Variants in LRRC37B observed in about 807,000 individuals in gnomAD.
LRRC37B encodes leucine-rich repeat-containing protein 37B.
Under a neutral mutation model 98.3 loss-of-function variants are expected in LRRC37B, and 28 were observed. The ratio of observed to expected loss-of-function variants is 0.28; its 90% CI spans 0.21 to 0.39. The LOEUF is 0.39. Ranked by LOEUF, LRRC37B falls within the 10% of genes least tolerant of loss-of-function variation. The pLI, the probability that LRRC37B is intolerant of heterozygous loss-of-function variation, is 1.00. For synonymous variants in LRRC37B, 364 were observed against 442.7 expected (o/e 0.82, Z 2.23); for missense variants, 938 against 1,182.7 (o/e 0.79, Z 3.03).
At chr17:32,020,492 C>G (rs1910738983), upstream of LRRC37B, among the ~76,000 whole-genome samples, 1 of 152,088 alleles carries the variant, frequency 6.6e-6, no homozygotes, top group Non-Finnish European at 1.5e-5. Context: ...GGATTGAAGC[C>G]TTCTCTCCCA....
In LRRC37B at chr17:32,032,320, G is replaced by A. The variant is rs1373780535; in HGVS notation, c.2057+862G>A. ...GCCTCCCAAAGTGCTGGGGTTACAG[G>A]CGTGAGCCACCATGCCTGGCCAAAA... On this transcript the variant is annotated intron_variant, in intron 5 of 11. Coordinates refer to ENST00000327564, the Ensembl canonical transcript of LRRC37B. Among the ~76,000 whole-genome samples the A allele has an allele frequency of 2.0e-5, 3 of 151,956 alleles. 1 individual carries two copies. The highest frequency in any genetic ancestry group is 6.3e-3 in the Middle Eastern group (2 of 316).
chr17:32,020,836 CCCCCACCCCA>C (rs892088653), upstream of LRRC37B: 21 of 840,214 alleles, frequency 2.5e-5, no homozygotes, highest in Non-Finnish European at 3.4e-5. Context: ...CTCTGCCGTG[CCCCCACCCCA>C]CCCCACCCCA....
chr17:32,040,918 G>C, intron 7 of LRRC37B: 1 of 955,168 alleles, frequency 1.0e-6, no homozygotes, highest in South Asian at 1.3e-5. Context: ...GAGGGCCGCC[G>C]CCTGGACTTT....
intron 1 of LRRC37B, among the ~76,000 whole-genome samples, chr17:32,009,613 C>A (rs563098085): frequency 6.6e-6 from 1 of 150,910 alleles, no homozygotes; most frequent in East Asian, 2.0e-4. Flanking sequence ...AATTGGGTTG[C>A]TTTCTTTATT....
chr17:32,016,802 CT>C (rs1910655742), upstream of LRRC37B: 1 of 152,188 alleles, frequency 6.6e-6, no homozygotes, highest in Non-Finnish European at 1.5e-5. Context: ...TTGTGAGAAA[CT>C]GCAGATCCTA....
At chr17:32,030,411 G>C (rs1184245065) in intron 3 of LRRC37B, among the ~76,000 whole-genome samples, 1 of 151,212 alleles carries the variant, frequency 6.6e-6, no homozygotes, top group African/African-American at 2.4e-5. Context: ...CAAGTCTACT[G>C]CTCTCAGGAA....
intron 1 of LRRC37B, among the ~76,000 whole-genome samples, chr17:32,015,867 A>C (rs1367211911): frequency 1.3e-5 from 2 of 152,206 alleles, no homozygotes; most frequent in African/African-American, 4.8e-5. Flanking sequence ...GCTGTCATGG[A>C]GGACCGTACA....
At chr17:32,027,375 T>TTG (rs142638981) in intron 2 of LRRC37B, among the ~76,000 whole-genome samples, 1 of 137,200 alleles carries the variant, frequency 7.3e-6, no homozygotes, top group Non-Finnish European at 1.6e-5. Context: ...GTGTGTGTGC[T>TTG]TGTGTGTGTG....
intron 8 of LRRC37B, 146 bp from the exon 12 acceptor site, chr17:32,047,615 G>T (rs1387659020): frequency 8.5e-7 from 1 of 1,174,218 alleles, no homozygotes; most frequent in Non-Finnish European, 1.2e-6. Flanking sequence ...ATAGGTTTAG[G>T]TTTGGGTGTA....
chr17:32,029,692 G>C (rs1272301306), intron 3 of LRRC37B, among the ~76,000 whole-genome samples: 1 of 152,164 alleles, frequency 6.6e-6, no homozygotes, highest in Non-Finnish European at 1.5e-5. Flanking sequence ...AGTACCTGTA[G>C]ATTACAAGGA....
chr17:32,040,643 A>C, intron 7 of LRRC37B: 1 of 778,474 alleles, frequency 1.3e-6, no homozygotes, highest in Admixed American at 1.7e-5. Flanking sequence ...TGCTCAACAC[A>C]GTGTGCAAGA....
intron 1 of LRRC37B, among the ~76,000 whole-genome samples, chr17:32,009,337 C>T (rs554390579): frequency 6.6e-6 from 1 of 152,178 alleles, no homozygotes; most frequent in East Asian, 1.9e-4. Flanking sequence ...TCACCACTCA[C>T]TGCAGCCTCC....
upstream of LRRC37B, among the ~76,000 whole-genome samples, chr17:32,020,495 C>T (rs1910739095): frequency 6.6e-6 from 1 of 152,148 alleles, no homozygotes; most frequent in African/African-American, 2.4e-5. Flanking sequence ...TTGAAGCCTT[C>T]TCTCCCAGAC....
intron 7 of LRRC37B, among the ~76,000 whole-genome samples, chr17:32,043,860 G>A (rs1911509347): frequency 9.8e-6 from 1 of 101,956 alleles, no homozygotes; most frequent in Non-Finnish European, 2.1e-5. Flanking sequence ...CATCCTTTTA[G>A]AGGACTCAAA....
At chr17:32,034,847 G>T (rs1054682488) in intron 5 of LRRC37B, 63 bp from the exon 9 acceptor site, 21 of 1,270,262 alleles carry the variant, frequency 1.7e-5, no homozygotes, top group Admixed American at 1.9e-5. Context: ...AATGAATATA[G>T]ACTTTTTATG....
rs772444987 is a variant in LRRC37B at position 32,025,030 on chromosome 17, G to GTTTTTT, written c.1832+265_1832+270dup. On this transcript the variant is annotated intron_variant, in intron 2 of 11. Transcript: ENST00000327564. The stretch of plus-strand genomic sequence containing the variant: ...CATGGTTATATTCTTTTTTTTCCTC[G>GTTTTTT]TTTTTTTTTTTTTTTTTTTTTTCAG... Among the ~76,000 whole-genome samples, 15 of 69,918 alleles carry GTTTTTT rather than the reference G, an allele frequency of 2.1e-4. 1 individual carries two copies. The highest frequency in any genetic ancestry group is 3.8e-4 in the East Asian group (1 of 2,616). The allele number at this position is 69,918 out of a possible 152,430, so 45.9% of individuals were successfully genotyped here.
chr17:32,037,073 A>G (rs1045726382), intron 7 of LRRC37B, among the ~76,000 whole-genome samples: 1 of 132,686 alleles, frequency 7.5e-6, no homozygotes, highest in Non-Finnish European at 1.5e-5. Flanking sequence ...TGCAACCTCT[A>G]CCTCCTGAGT....
chr17:32,008,619 C>T (rs1050477081), intron 1 of LRRC37B, among the ~76,000 whole-genome samples: 2 of 152,144 alleles, frequency 1.3e-5, no homozygotes, highest in African/African-American at 4.8e-5. Context: ...GATTGTGGCA[C>T]ACAGACACAC....
chr17:32,040,943 G>T, intron 7 of LRRC37B: 1 of 955,402 alleles, frequency 1.0e-6, no homozygotes, highest in East Asian at 2.4e-5. Flanking sequence ...AAAAGAAGCG[G>T]CAGGGCAAGA....
Sources: allele counts gnomAD v4.1 joint callset (sites outside exome capture counted in the v4.1 genomes callset), GRCh38; gene constraint gnomAD v4.1.1; transcripts MANE v1.5; gene names NCBI Gene and HGNC (gene_info 2026-07-23, HGNC 2026-07-21).